Variants in TENM3 observed in about 807,000 individuals in gnomAD.
TENM3 encodes teneurin-3.
TENM3 carries 63 observed loss-of-function variants against 255.1 expected under a neutral mutation model. The observed-to-expected ratio is 0.25, with a 90% CI of 0.20 to 0.30. The LOEUF is 0.30. Among genes scored for constraint, TENM3 ranks in the 10% least tolerant of loss-of-function variants. The pLI is 1.00. For synonymous variants in TENM3, 1,306 were observed against 1,322.3 expected (o/e 0.99, Z 0.27); for missense variants, 2,929 against 3,461.1 (o/e 0.85, Z 3.86).
intron 26 of TENM3, among the ~76,000 whole-genome samples, chr4:182,795,519 T>G (rs576045565): frequency 6.6e-6 from 1 of 152,258 alleles, no homozygotes; most frequent in African/African-American, 2.4e-5. Context: ...ATAAAAAGAA[T>G]ACCACTGGTT....
At chr4:182,190,168 T>C (rs1457316124) in intron 1 of TENM3, 1 of 152,194 alleles carries the variant, frequency 6.6e-6, no homozygotes, top group African/African-American at 2.4e-5. Flanking sequence ...AAAAGAAACA[T>C]TTCCTCATTT....
chr4:181,666,289 T>C, the TENM3 span, among the ~76,000 whole-genome samples: 1 of 152,178 alleles, frequency 6.6e-6, no homozygotes. Context: ...AGCTTCCAAA[T>C]ACATATGCAG....
chr4:181,758,891 C>T, the TENM3 span, among the ~76,000 whole-genome samples: 5 of 152,196 alleles, frequency 3.3e-5, no homozygotes, highest in South Asian at 2.1e-4. Flanking sequence ...TAAAAACCAA[C>T]TGTGTCTTCT....
At chr4:181,473,696 T>C in the TENM3 span, among the ~76,000 whole-genome samples, 4 of 145,268 alleles carry the variant, frequency 2.8e-5, no homozygotes, top group African/African-American at 9.9e-5. Flanking sequence ...TGCCTATGGG[T>C]TGCCCTTTTT....
At chr4:181,510,164 C>T in the TENM3 span, among the ~76,000 whole-genome samples, 1 of 152,180 alleles carries the variant, frequency 6.6e-6, no homozygotes, top group African/African-American at 2.4e-5. Context: ...GGAACTCAGA[C>T]GATGCTGAAA....
the TENM3 span, among the ~76,000 whole-genome samples, chr4:181,946,873 G>T: frequency 6.6e-6 from 1 of 152,166 alleles, no homozygotes; most frequent in Non-Finnish European, 1.5e-5. Flanking sequence ...CTTGGTTCAT[G>T]TCTGATTTAG....
the TENM3 span, among the ~76,000 whole-genome samples, chr4:181,943,683 A>G: frequency 6.6e-6 from 1 of 152,094 alleles, no homozygotes; most frequent in Admixed American, 6.5e-5. Context: ...AATGCTGAAA[A>G]CTGTTGTTCC....
At chr4:181,888,362 C>A in the TENM3 span, among the ~76,000 whole-genome samples, 1 of 151,052 alleles carries the variant, frequency 6.6e-6, no homozygotes, top group Non-Finnish European at 1.5e-5. Context: ...ATTTCCCAAC[C>A]TGCACCCAGA....
intron 6 of TENM3, among the ~76,000 whole-genome samples, chr4:182,666,761 C>T (rs1754718385): frequency 2.0e-5 from 3 of 151,824 alleles, no homozygotes; most frequent in Admixed American, 1.3e-4. Flanking sequence ...TAGCCAGACT[C>T]GGTGGTGTGC....
chr4:182,552,612 T>C (rs564545107), intron 3 of TENM3, among the ~76,000 whole-genome samples: 2 of 152,316 alleles, frequency 1.3e-5, no homozygotes, highest in African/African-American at 4.8e-5. Context: ...AAGAATTGAA[T>C]TATTTAACAG....
intron 3 of TENM3, among the ~76,000 whole-genome samples, chr4:182,588,693 T>A (rs1469920850): frequency 6.6e-6 from 1 of 152,122 alleles, no homozygotes; most frequent in African/African-American, 2.4e-5. Context: ...TAAAGGTATT[T>A]TTATCCAGTT....
chr4:182,667,857 G>A (rs578253971), intron 6 of TENM3, among the ~76,000 whole-genome samples: 2 of 152,040 alleles, frequency 1.3e-5, no homozygotes, highest in African/African-American at 4.8e-5. Context: ...TAAATGATGA[G>A]TTAATGGGTG....
chr4:182,400,560 G>C (rs6838294), intron 3 of TENM3, among the ~76,000 whole-genome samples: 7,439 of 152,188 alleles, frequency 0.049, 288 homozygotes, highest in East Asian at 0.16. Context: ...TTATTTTTAA[G>C]ATATAACATC....
chr4:182,089,619 T>C, the TENM3 span, among the ~76,000 whole-genome samples: 3 of 152,224 alleles, frequency 2.0e-5, no homozygotes, highest in Admixed American at 6.6e-5. Flanking sequence ...GAAGACAATA[T>C]TTTTCTGTTT....
rs180844108 is a variant in TENM3, at chr4:182,283,519, A to T, written c.-76+40043A>T. Among the ~76,000 whole-genome samples the T allele has an allele frequency of 2.9e-4, 44 of 152,332 alleles. 1 individual carries two copies. The highest frequency in any genetic ancestry group is 5.3e-4 in the Non-Finnish European group (36 of 68,040). The stretch of plus-strand genomic sequence containing the variant: ...ATCAGGCCATCCGACTCCACGGTAC[A>T]CTTTCTAGGATAAAGATATATATGT... On this transcript the variant is annotated intron_variant, in intron 1 of 27. Coordinates refer to ENST00000511685, the MANE Select transcript of TENM3 (RefSeq NM_001080477.4).
At chr4:182,003,917 T>TAA in the TENM3 span, among the ~76,000 whole-genome samples, 3 of 148,154 alleles carry the variant, frequency 2.0e-5, no homozygotes, top group Non-Finnish European at 3.0e-5. Context: ...TCATGAATGC[T>TAA]AAAAAAAAAA....
intron 2 of TENM3, among the ~76,000 whole-genome samples, chr4:182,327,412 A>G (rs756101697): frequency 2.2e-4 from 34 of 152,350 alleles, no homozygotes; most frequent in Middle Eastern, 6.8e-3. Flanking sequence ...AGAAAGGGAC[A>G]AGCAGGGTTT....
intron 6 of TENM3, among the ~76,000 whole-genome samples, chr4:182,663,722 A>G (rs1355891933): frequency 6.6e-6 from 1 of 152,230 alleles, no homozygotes; most frequent in South Asian, 2.1e-4. Flanking sequence ...CTGTTCAGTT[A>G]TTTGACATTC....
At chr4:182,564,401 G>A (rs1348917092) in intron 3 of TENM3, among the ~76,000 whole-genome samples, 4 of 151,678 alleles carry the variant, frequency 2.6e-5, no homozygotes, top group Admixed American at 6.6e-5. Flanking sequence ...CAGTCCTCCC[G>A]CCTTGGCCTC....
Sources: allele counts gnomAD v4.1 joint callset (sites outside exome capture counted in the v4.1 genomes callset), GRCh38; gene constraint gnomAD v4.1.1; transcripts MANE v1.5; gene names NCBI Gene and HGNC (gene_info 2026-07-23, HGNC 2026-07-21).